The following CPQ variants were observed in gnomAD, a reference collection of about 807,000 sequenced individuals.
The protein encoded by CPQ is Ser-Met dipeptidase.
A neutral mutation model predicts 45.7 loss-of-function variants in CPQ; 37 were observed. That is an observed-to-expected ratio of 0.81 (90% CI 0.62 to 1.07). The LOEUF (loss-of-function observed/expected upper bound fraction) is 1.07, where lower values mean the gene tolerates loss of function less well. Among genes scored for constraint, CPQ ranks in the 50% least tolerant of loss-of-function variants. The pLI is 0.00. For synonymous variants in CPQ, 186 were observed against 205.8 expected, an observed-to-expected ratio of 0.90 and a Z score of 0.82; for missense variants, 537 against 572.9, an observed-to-expected ratio of 0.94 and a Z score of 0.64.
intron 4 of CPQ, among the ~76,000 whole-genome samples, chr8:96,965,685 T>C (rs1457770393): frequency 1.3e-5 from 2 of 152,158 alleles, no homozygotes; most frequent in Non-Finnish European, 2.9e-5. Context: ...ATTTCTTTAG[T>C]AGTCAAAATT....
chr8:96,853,252 G>A (rs1344353838), intron 3 of CPQ, among the ~76,000 whole-genome samples: 1 of 152,138 alleles, frequency 6.6e-6, no homozygotes, highest in Non-Finnish European at 1.5e-5. Flanking sequence ...TGATTTTTGG[G>A]GGCGCATATG....
chr8:96,820,515 T>C (rs2319929), intron 2 of CPQ, among the ~76,000 whole-genome samples: 86,188 of 151,648 alleles, frequency 0.57, 25,877 homozygotes, highest in East Asian at 0.88. Flanking sequence ...TCTCTATCTT[T>C]ATGAGATCTA....
chr8:96,679,991 C>T (rs552477210), intron 1 of CPQ, among the ~76,000 whole-genome samples: 1 of 152,012 alleles, frequency 6.6e-6, no homozygotes, highest in East Asian at 1.9e-4. Context: ...TTTCTAGTTC[C>T]CTGAAATACA....
chr8:97,070,162 A>G (rs1214343869), intron 7 of CPQ, among the ~76,000 whole-genome samples: 2 of 152,192 alleles, frequency 1.3e-5, no homozygotes, highest in South Asian at 2.1e-4. Context: ...CTCCTTCCAT[A>G]TTCCTATTCT....
intron 4 of CPQ, among the ~76,000 whole-genome samples, chr8:96,897,724 T>C (rs777846416): frequency 1.3e-5 from 2 of 152,178 alleles, no homozygotes; most frequent in Non-Finnish European, 2.9e-5. Context: ...ATCTGAAAAT[T>C]CCAAAATCCA....
chr8:96,688,703 T>G (rs1809267407), intron 1 of CPQ, among the ~76,000 whole-genome samples: 1 of 152,182 alleles, frequency 6.6e-6, no homozygotes, highest in African/African-American at 2.4e-5. Context: ...CCTCTTTATA[T>G]TTCAATGTAC....
At chr8:96,702,798 T>C (rs903868941) in intron 1 of CPQ, among the ~76,000 whole-genome samples, 1 of 152,158 alleles carries the variant, frequency 6.6e-6, no homozygotes, top group Non-Finnish European at 1.5e-5. Flanking sequence ...AACAAGTGTC[T>C]TCTTTGAGGT....
At chr8:96,869,565 G>A (rs1052689372) in intron 3 of CPQ, among the ~76,000 whole-genome samples, 5 of 151,990 alleles carry the variant, frequency 3.3e-5, no homozygotes, top group Admixed American at 2.6e-4. Context: ...ATTTGTGATC[G>A]AGTCTGTGAA....
At chr8:96,685,779 A>G (rs1477144586) in intron 1 of CPQ, among the ~76,000 whole-genome samples, 4 of 152,144 alleles carry the variant, frequency 2.6e-5, no homozygotes, top group Non-Finnish European at 1.5e-5. Flanking sequence ...GTGTGTGAAT[A>G]TGTGTGAACA....
At chr8:97,009,806 A>C (rs2130437439) in intron 5 of CPQ, among the ~76,000 whole-genome samples, 1 of 152,314 alleles carries the variant, frequency 6.6e-6, no homozygotes, top group South Asian at 2.1e-4. Context: ...CATAGGGTAC[A>C]GTGGAAGAAT....
At chr8:96,722,244 A>G (rs1204411832) in intron 1 of CPQ, among the ~76,000 whole-genome samples, 2 of 152,198 alleles carry the variant, frequency 1.3e-5, no homozygotes, top group African/African-American at 2.4e-5. Context: ...CTTTAAATAT[A>G]TAGGATAACT....
intron 5 of CPQ, among the ~76,000 whole-genome samples, chr8:97,015,675 T>G (rs777700984): frequency 3.9e-5 from 6 of 152,202 alleles, no homozygotes; most frequent in Non-Finnish European, 7.4e-5. Flanking sequence ...CTTTAGGGCA[T>G]TGGTGGCATG....
rs536172814 is a variant in CPQ at position 96,987,209 on chromosome 8, T to A, written c.961+21163T>A. On this transcript the variant is annotated intron_variant, in intron 5 of 7. Transcript: ENST00000220763. Reference sequence around the variant, plus strand: ...GTTATGTATACTTCCATTGTCAGATTTGAGCTCTTGAAGCATGATTTTTAA... The same window carrying A: ...GTTATGTATACTTCCATTGTCAGATATGAGCTCTTGAAGCATGATTTTTAA... 2.6e-5 allele frequency among the ~76,000 whole-genome samples: 4 copies of A among 152,280 alleles called. No homozygotes were observed. The East Asian group carries it at 7.7e-4, about 29-fold the overall frequency.
chr8:97,075,894 GC>G lies in CPQ; in HGVS notation c.1255+9685del, dbSNP rs200902058. 1.5e-3 allele frequency among the ~76,000 whole-genome samples: 233 copies of G among 152,224 alleles called. 5 individuals are homozygous for G. The East Asian group carries it at 0.043, about 28-fold the overall frequency. On this transcript the variant is annotated intron_variant, in intron 7 of 7. Coordinates refer to ENST00000220763, the MANE Select transcript of CPQ (RefSeq NM_016134.4). Reference sequence around the variant, plus strand: ...TCAGTCCTATTTCAGCCACACAGCAGCTACTCTCCTACACCCAGTTTATTTT... The same window carrying G: ...TCAGTCCTATTTCAGCCACACAGCAGTACTCTCCTACACCCAGTTTATTTT...
chr8:97,086,127 T>A (rs954600193), intron 7 of CPQ, among the ~76,000 whole-genome samples: 2 of 152,170 alleles, frequency 1.3e-5, no homozygotes, highest in African/African-American at 4.8e-5. Flanking sequence ...TTTTAATTGC[T>A]TGGCACTTAA....
At chr8:97,142,584 T>A (rs542114813) in intron 7 of CPQ, among the ~76,000 whole-genome samples, 1 of 152,222 alleles carries the variant, frequency 6.6e-6, no homozygotes, top group Admixed American at 6.5e-5. Context: ...TCTCAGTTAC[T>A]TATACAAATA....
intron 7 of CPQ, among the ~76,000 whole-genome samples, chr8:97,135,279 G>A (rs2130627205): frequency 6.6e-6 from 1 of 152,158 alleles, no homozygotes; most frequent in Middle Eastern, 3.4e-3. Context: ...TTACTTTCTG[G>A]TCCTGTCCTG....
At chr8:96,807,576 G>A (rs547999470) in intron 2 of CPQ, among the ~76,000 whole-genome samples, 84 of 152,278 alleles carry the variant, frequency 5.5e-4, no homozygotes, top group African/African-American at 2.0e-3. Context: ...CATGACAGCC[G>A]GTGATATAGA....
chr8:96,666,150 T>G (rs1808922321), intron 1 of CPQ, among the ~76,000 whole-genome samples: 1 of 152,086 alleles, frequency 6.6e-6, no homozygotes, highest in Non-Finnish European at 1.5e-5. Flanking sequence ...GTTGTAGAGT[T>G]CTTTAGCAAG....
Sources: gnomAD v4.1 joint callset for allele counts (sites outside exome capture counted in the v4.1 genomes callset) on GRCh38, gnomAD v4.1.1 for gene constraint, MANE v1.5 for transcripts, NCBI Gene and HGNC (gene_info 2026-07-23, HGNC 2026-07-21) for gene names.